TDRD12: variants seen among roughly 807,000 people sequenced by gnomAD.
TDRD12 encodes tudor domain containing 12.
Under a neutral mutation model 133.5 loss-of-function variants are expected in TDRD12, and 158 were observed. The ratio of observed to expected loss-of-function variants is 1.18; its 90% CI spans 1.04 to 1.35. TDRD12 has a LOEUF of 1.35. Among genes scored for constraint, TDRD12 ranks in the 40% most tolerant of loss-of-function variants. The pLI is 0.00. For synonymous variants in TDRD12, 460 were observed against 477.9 expected, an observed-to-expected ratio of 0.96 and a Z score of 0.49; for missense variants, 1,443 against 1,321.3, an observed-to-expected ratio of 1.09 and a Z score of -1.43.
exon 2 of TDRD12, chr19:32,731,737 G>A: frequency 6.5e-7 from 1 of 1,536,124 alleles, no homozygotes. Context: ...TGAAGATCCA[G>A]GTTGCTTCTG....
chr19:32,749,989 T>C (rs1599856368), intron 6 of TDRD12, 120 bp downstream of exon 6: 2 of 722,820 alleles, frequency 2.8e-6, no homozygotes, highest in East Asian at 2.9e-5. Flanking sequence ...TCTTAATCTC[T>C]TAAGGTCTAT....
At chr19:32,800,506 T>A in intron 17 of TDRD12, 138 bp from the exon 18 acceptor site, 1 of 950,194 alleles carries the variant, frequency 1.1e-6, no homozygotes, top group Non-Finnish European at 1.5e-6. Flanking sequence ...ATGAATGAAA[T>A]ACAATTATAG....
At chr19:32,782,785 A>T (rs1000178524) in intron 11 of TDRD12, among the ~76,000 whole-genome samples, 2 of 152,154 alleles carry the variant, frequency 1.3e-5, no homozygotes, top group Non-Finnish European at 2.9e-5. Flanking sequence ...GTGTCTGTTC[A>T]TGTCCTTTGC....
chr19:32,787,572 G>C (rs1184711204), intron 11 of TDRD12, among the ~76,000 whole-genome samples: 1 of 152,158 alleles, frequency 6.6e-6, no homozygotes, highest in East Asian at 1.9e-4. Flanking sequence ...GCTGCGGTGG[G>C]CTCCACCCAG....
intron 25 of TDRD12, 46 bp from the exon 26 acceptor site, chr19:32,815,376 GTGGGAATGTCTATGCTTCAGTTAAAA>G: frequency 1.5e-6 from 2 of 1,309,452 alleles, no homozygotes; most frequent in South Asian, 2.8e-5. Flanking sequence ...GAGAGGCCCT[GTGGGAATGTCTATGCTTCAGTTAAAA>G]TTCAGAGTGA....
chr19:32,754,791 C>T (rs1015376606), intron 6 of TDRD12, among the ~76,000 whole-genome samples: 5 of 151,104 alleles, frequency 3.3e-5, no homozygotes, highest in Non-Finnish European at 5.9e-5. Flanking sequence ...ATTATCCAGC[C>T]TCAGCCTTCC....
chr19:32,777,455 A>C (rs11667164), intron 11 of TDRD12, among the ~76,000 whole-genome samples: 1 of 151,912 alleles, frequency 6.6e-6, no homozygotes, highest in South Asian at 2.1e-4. Context: ...GTCATTTTCT[A>C]CCTTGCCTTC....
intron 1 of TDRD12, among the ~76,000 whole-genome samples, chr19:32,731,091 G>A (rs1013693229): frequency 1.3e-5 from 2 of 152,092 alleles, no homozygotes; most frequent in African/African-American, 4.8e-5. Context: ...AATAACAATA[G>A]TACATAACAA....
downstream of TDRD12, among the ~76,000 whole-genome samples, chr19:32,825,096 A>G (rs1288173982): frequency 6.6e-6 from 1 of 152,112 alleles, no homozygotes; most frequent in Non-Finnish European, 1.5e-5. This position sits in a 1 kb window ranked among gnomAD's most constrained non-coding sequence, Gnocchi z 4.1. Context: ...GCCTCCTCTC[A>G]GAAGGGCTTG....
intron 11 of TDRD12, among the ~76,000 whole-genome samples, chr19:32,789,156 A>G (rs1459782720): frequency 6.6e-6 from 1 of 152,016 alleles, no homozygotes; most frequent in Non-Finnish European, 1.5e-5. Context: ...CCTGCCCCTA[A>G]TTCCTAAGCT....
At chr19:32,768,695 G>A (rs1970364935) in intron 8 of TDRD12, among the ~76,000 whole-genome samples, 6 of 151,962 alleles carry the variant, frequency 3.9e-5, no homozygotes, top group Admixed American at 3.9e-4. Context: ...TGCTTGGATG[G>A]AGCACATCCA....
Position 32,794,112 on chromosome 19 carries a change from T to A in TDRD12, c.1288-516T>A, listed in dbSNP as rs1377598347. Among the ~76,000 whole-genome samples the A allele has an allele frequency of 1.4e-3, 177 of 128,142 alleles. 3 individuals carry two copies. Among genetic ancestry groups the A allele is most frequent in the African/African-American group, 5.1e-3 (168 of 33,148 alleles). The allele number at this position is 128,142 out of a possible 152,430, so 84.1% of individuals were successfully genotyped here. ...CCTGGCTTTTTTTTTTTTTTTTTTT[T>A]TTTTTTTTTTTGAGATGGAGTCTCG... is the stretch of plus-strand genomic sequence containing the variant. On this transcript the variant is annotated intron_variant, in intron 13 of 27. Coordinates refer to ENST00000444215, the Ensembl canonical transcript of TDRD12.
downstream of TDRD12, among the ~76,000 whole-genome samples, chr19:32,823,460 G>A (rs924979848): frequency 6.6e-5 from 10 of 152,138 alleles, no homozygotes; most frequent in Admixed American, 2.6e-4. Context: ...CATTATTGCC[G>A]TGGTCCAAAC....
intron 8 of TDRD12, among the ~76,000 whole-genome samples, chr19:32,766,544 C>T (rs774358575): frequency 6.6e-6 from 1 of 152,026 alleles, no homozygotes; most frequent in Admixed American, 6.6e-5. Flanking sequence ...GTTCCCTTTA[C>T]CCTATTTTTT....
chr19:32,820,968 C>T (rs1967363201), intron 27 of TDRD12, 65 bp from the exon 28 acceptor site: 1 of 1,336,810 alleles, frequency 7.5e-7, no homozygotes, highest in African/African-American at 1.5e-5. Flanking sequence ...TATTGCCTGC[C>T]TTCCTCTTCC....
chr19:32,816,516 T>C lies in TDRD12; in HGVS notation c.3314+896T>C, dbSNP rs116089046. 5.8e-3 allele frequency among the ~76,000 whole-genome samples: 879 copies of C among 152,354 alleles called. 8 individuals are homozygous for C. The highest frequency in any genetic ancestry group is 0.02 in the African/African-American group (828 of 41,568). ...AATGTTCCTTTGTATGAATATACCA[T>C]TATTTGTTTACCCATTCTACTGTTG... On this transcript the variant is annotated intron_variant, in intron 26 of 27. Transcript: ENST00000444215.
At chr19:32,723,190 T>A (rs535633347) in intron 1 of TDRD12, among the ~76,000 whole-genome samples, 1 of 152,164 alleles carries the variant, frequency 6.6e-6, no homozygotes, top group South Asian at 2.1e-4. Flanking sequence ...GTGATTATAT[T>A]CCTGTTATAT....
Position 32,771,320 on chromosome 19 carries a change from G to A in TDRD12, c.866-1433G>A, listed in dbSNP as rs183686168. ...CAAGTAGCTGGGACTACAGGTGTGC[G>A]TCACCACGCCTAGATAACTTTCATA... On this transcript the variant is annotated intron_variant, in intron 8 of 27. Transcript: ENST00000444215. Among the ~76,000 whole-genome samples, 228 of 152,194 alleles carry A rather than the reference G, an allele frequency of 1.5e-3. 2 individuals are homozygous for A. The highest frequency in any genetic ancestry group is 4.7e-3 in the African/African-American group (197 of 41,522).
chr19:32,793,145 C>T (rs1436842445), intron 13 of TDRD12, among the ~76,000 whole-genome samples: 1 of 151,928 alleles, frequency 6.6e-6, no homozygotes, highest in East Asian at 1.9e-4. Flanking sequence ...AAGATCGTGC[C>T]ACTGCACTCC....
Sources: gnomAD v4.1 joint callset for allele counts (sites outside exome capture counted in the v4.1 genomes callset) on GRCh38, gnomAD v4.1.1 for gene constraint, Gnocchi (gnomAD v3.1) non-coding constraint, MANE v1.5 for transcripts, NCBI Gene and HGNC (gene_info 2026-07-23, HGNC 2026-07-21) for gene names.